The following CEP112 variants were observed in gnomAD, a reference collection of about 807,000 sequenced individuals.
CEP112 encodes the protein centrosomal protein of 112 kDa.
In CEP112, 127 loss-of-function variants were observed where a neutral mutation model predicts 153.0. The ratio of observed to expected loss-of-function variants is 0.83; its 90% CI spans 0.72 to 0.96. The LOEUF (loss-of-function observed/expected upper bound fraction) is 0.96. Ranked by LOEUF, CEP112 falls within the 40% of genes least tolerant of loss-of-function variation. CEP112 has a pLI of 0.00. For missense variants in CEP112, 1,089 were observed against 1,101.2 expected, an observed-to-expected ratio of 0.99 and a Z score of 0.16; for synonymous variants, 358 against 374.4, an observed-to-expected ratio of 0.96 and a Z score of 0.51.
At chr17:65,939,540 C>G (rs1174862202) in intron 18 of CEP112, among the ~76,000 whole-genome samples, 1 of 152,092 alleles carries the variant, frequency 6.6e-6, no homozygotes, top group Non-Finnish European at 1.5e-5. Flanking sequence ...GGCACAAGAG[C>G]TGATACATTA....
intron 20 of CEP112, among the ~76,000 whole-genome samples, chr17:65,868,042 TA>T (rs1340992555): frequency 1.3e-5 from 2 of 151,742 alleles, no homozygotes; most frequent in African/African-American, 4.8e-5. Context: ...TATGTATTAA[TA>T]AATTTTTTAA....
At chr17:65,676,657 T>C (rs1184966926) in intron 24 of CEP112, among the ~76,000 whole-genome samples, 1 of 152,198 alleles carries the variant, frequency 6.6e-6, no homozygotes, top group African/African-American at 2.4e-5. Context: ...CAGTAAATGT[T>C]TGGTGAATTG....
intron 23 of CEP112, among the ~76,000 whole-genome samples, chr17:65,733,596 C>G (rs1228575827): frequency 3.9e-5 from 6 of 152,164 alleles, no homozygotes; most frequent in African/African-American, 1.4e-4. Context: ...AAATATATGA[C>G]GGTTACCACA....
intron 23 of CEP112, among the ~76,000 whole-genome samples, chr17:65,712,831 C>T (rs1242796158): frequency 6.6e-6 from 1 of 151,998 alleles, no homozygotes; most frequent in Non-Finnish European, 1.5e-5. Context: ...GGGCGATACT[C>T]AAAAGCAAGA....
intron 5 of CEP112, among the ~76,000 whole-genome samples, chr17:66,132,024 C>T (rs1331830346): frequency 1.3e-5 from 2 of 151,110 alleles, no homozygotes; most frequent in African/African-American, 2.4e-5. Context: ...CAAAAATTAG[C>T]CAGGCATGGT....
At chr17:65,862,893 A>T (rs2058354635) in intron 20 of CEP112, among the ~76,000 whole-genome samples, 1 of 152,184 alleles carries the variant, frequency 6.6e-6, no homozygotes, top group Admixed American at 6.6e-5. Flanking sequence ...AATATTTCAT[A>T]GGAGACACTT....
chr17:65,886,285 C>T (rs900577185), intron 20 of CEP112, among the ~76,000 whole-genome samples: 1 of 151,946 alleles, frequency 6.6e-6, no homozygotes, highest in African/African-American at 2.4e-5. Context: ...GATGTCAGAG[C>T]CTTTGAAGAT....
chr17:66,163,391 C>A (rs1350675884), intron 4 of CEP112, among the ~76,000 whole-genome samples: 1 of 151,950 alleles, frequency 6.6e-6, no homozygotes, highest in East Asian at 1.9e-4. Context: ...ATACCATCTG[C>A]AGAACAGTCT....
At chr17:66,189,502 CAAAA>C (rs36115506) in intron 1 of CEP112, among the ~76,000 whole-genome samples, 5 of 119,992 alleles carry the variant, frequency 4.2e-5, no homozygotes, top group Admixed American at 8.5e-5. Context: ...AACTCTGTCT[CAAAA>C]AAAAAAAAAA....
At chr17:66,020,753 A>G (rs931518611) in intron 16 of CEP112, among the ~76,000 whole-genome samples, 1 of 152,228 alleles carries the variant, frequency 6.6e-6, no homozygotes, top group African/African-American at 2.4e-5. Context: ...CTACTCTTTT[A>G]CTTTCTATAT....
intron 21 of CEP112, among the ~76,000 whole-genome samples, chr17:65,771,971 G>A (rs935564921): frequency 1.3e-5 from 2 of 151,922 alleles, no homozygotes; most frequent in African/African-American, 4.8e-5. Flanking sequence ...ATAGTGAGCT[G>A]TGATAGTGGC....
intron 18 of CEP112, among the ~76,000 whole-genome samples, chr17:65,951,673 G>C (rs1046251668): frequency 6.6e-6 from 1 of 150,614 alleles, no homozygotes; most frequent in African/African-American, 2.4e-5. Context: ...CAAAGAACCA[G>C]TACTTGGCTT....
intron 10 of CEP112, among the ~76,000 whole-genome samples, chr17:66,066,374 T>C (rs1464847295): frequency 6.6e-6 from 1 of 152,226 alleles, no homozygotes; most frequent in Non-Finnish European, 1.5e-5. Flanking sequence ...TGAATTTTAC[T>C]AGATAAAGAA....
In CEP112 at chr17:65,801,991, C is replaced by T. The variant is rs115052668; in HGVS notation, c.2394+49813G>A. On this transcript the variant is annotated intron_variant, in intron 21 of 26. Coordinates refer to ENST00000535342, the MANE Select transcript of CEP112 (RefSeq NM_001199165.4). Reference sequence around the variant, plus strand: ...GCAACTCTGGAAATCAGATTCTCTTCCTTCCCCCAGGGTTTGTTGTTGTTG... The same window carrying T: ...GCAACTCTGGAAATCAGATTCTCTTTCTTCCCCCAGGGTTTGTTGTTGTTG... Among the ~76,000 whole-genome samples, 1,190 of 152,220 alleles carry T rather than the reference C, an allele frequency of 7.8e-3. 12 individuals carry two copies. The highest frequency in any genetic ancestry group is 0.027 in the African/African-American group (1,117 of 41,536).
intron 24 of CEP112, among the ~76,000 whole-genome samples, chr17:65,654,154 C>T (rs575185874): frequency 7.3e-5 from 11 of 151,184 alleles, no homozygotes; most frequent in Admixed American, 6.6e-5. Context: ...GAAAATGTAC[C>T]GCCTTCTAAG....
chr17:66,154,866 C>T (rs199671781), intron 4 of CEP112, among the ~76,000 whole-genome samples: 2 of 152,168 alleles, frequency 1.3e-5, no homozygotes, highest in East Asian at 3.8e-4. Flanking sequence ...GCCATTATAA[C>T]AATATTAAGA....
At chr17:65,935,237 T>C (rs2061265358) in intron 18 of CEP112, among the ~76,000 whole-genome samples, 1 of 152,154 alleles carries the variant, frequency 6.6e-6, no homozygotes, top group African/African-American at 2.4e-5. Flanking sequence ...TACAAACATA[T>C]ACATACCCAA....
chr17:65,804,823 G>C (rs1212306584), intron 21 of CEP112, among the ~76,000 whole-genome samples: 1 of 151,868 alleles, frequency 6.6e-6, no homozygotes, highest in African/African-American at 2.4e-5. Context: ...TGTTAGGTGA[G>C]GGCCACAGTC....
intron 1 of CEP112, among the ~76,000 whole-genome samples, chr17:66,187,067 G>A (rs2146942128): frequency 6.6e-6 from 1 of 152,132 alleles, no homozygotes; most frequent in Middle Eastern, 3.4e-3. Flanking sequence ...CCCCTCTGAT[G>A]GCAGCTGAGA....
Sources: allele counts gnomAD v4.1 joint callset (sites outside exome capture counted in the v4.1 genomes callset), GRCh38; gene constraint gnomAD v4.1.1; transcripts MANE v1.5; gene names NCBI Gene and HGNC (gene_info 2026-07-23, HGNC 2026-07-21).